CFAP61: variants seen among roughly 807,000 people sequenced by gnomAD.
CFAP61 encodes the protein cilia and flagella associated protein 61.
Under a neutral mutation model 135.6 loss-of-function variants are expected in CFAP61, and 107 were observed. That is an observed-to-expected ratio of 0.79 (90% CI 0.67 to 0.93). The LOEUF is 0.93. CFAP61 is among the 40% of genes least tolerant of loss of function. The probability of loss-of-function intolerance (pLI) is 0.00; values close to 1 mark genes in which losing one functional copy is unlikely to be tolerated. For missense variants in CFAP61, 1,507 were observed against 1,556.2 expected (o/e 0.97, Z 0.53); for synonymous variants, 575 against 578.5 (o/e 0.99, Z 0.09).
At chr20:20,097,819 T>C (rs962237999) in intron 7 of CFAP61, among the ~76,000 whole-genome samples, 1 of 152,194 alleles carries the variant, frequency 6.6e-6, no homozygotes, top group Non-Finnish European at 1.5e-5. Flanking sequence ...CTCCTCCCTA[T>C]CAGACTATCC....
chr20:20,347,509 C>T (rs1339095183), intron 26 of CFAP61, among the ~76,000 whole-genome samples: 1 of 152,042 alleles, frequency 6.6e-6, no homozygotes, highest in Non-Finnish European at 1.5e-5. Context: ...ACTCAAATTA[C>T]TAAAGTTAGA....
rs35528584 is a variant in CFAP61, at chr20:20,123,971, G to GTTT, written c.860-18866_860-18864dup. 5.2e-3 allele frequency among the ~76,000 whole-genome samples: 336 copies of GTTT among 65,236 alleles called. 19 individuals are homozygous for GTTT. The highest frequency in any genetic ancestry group is 5.9e-3 in the Non-Finnish European group (206 of 35,038). 42.8% of individuals were successfully genotyped at this position (65,236 alleles called of 152,430 possible). A position where few individuals can be genotyped will look rare whatever the true frequency, so the allele number is the denominator to read the frequency against. On this transcript the variant is annotated intron_variant, in intron 8 of 26. Transcript: ENST00000245957. ...CCTTCTTGGTTATGTATATTCCTAA[G>GTTT]TTTTTTTTTTTTTTTTTTTTTTGCA...
rs2146637283 is a variant in CFAP61 at position 20,098,822 on chromosome 20, G to A, written c.859+8G>A. On this transcript the variant is annotated splice_region_variant and intron_variant, in intron 8 of 26. Coordinates refer to ENST00000245957, the MANE Select transcript of CFAP61 (RefSeq NM_015585.4). ...GTGTCCGAAGAAGTCAAGGTACAGT[G>A]GCTATCACAGGGACACACTGGGAAA... 4 of 1,606,586 alleles carry A rather than the reference G, an allele frequency of 2.5e-6. No homozygotes were observed. In the East Asian group the frequency reaches 8.9e-5, roughly 36 times the overall value.
chr20:20,262,356 C>G (rs2052312923), intron 20 of CFAP61, among the ~76,000 whole-genome samples: 1 of 152,154 alleles, frequency 6.6e-6, no homozygotes, highest in Non-Finnish European at 1.5e-5. Context: ...CCCTTGGAAC[C>G]CAGCCACCAC....
chr20:20,121,017 A>C (rs1379349679), intron 8 of CFAP61, among the ~76,000 whole-genome samples: 1 of 151,882 alleles, frequency 6.6e-6, no homozygotes, highest in Non-Finnish European at 1.5e-5. Context: ...TGTGTGTCTT[A>C]ATAGGTGAAA....
intron 2 of CFAP61, 80 bp downstream of exon 2, chr20:20,056,876 G>A: frequency 1.5e-6 from 2 of 1,330,376 alleles, no homozygotes; most frequent in Non-Finnish European, 2.1e-6. Context: ...TCAGCACTTT[G>A]AGAGGCCAAG....
intron 25 of CFAP61, among the ~76,000 whole-genome samples, chr20:20,336,080 T>C (rs2058177641): frequency 6.6e-6 from 1 of 152,202 alleles, no homozygotes; most frequent in Non-Finnish European, 1.5e-5. Context: ...ACAGAGTCTG[T>C]GGGTTTGTGT....
chr20:20,243,806 C>T (rs2050206051), intron 18 of CFAP61, among the ~76,000 whole-genome samples: 1 of 152,140 alleles, frequency 6.6e-6, no homozygotes, highest in Admixed American at 6.5e-5. Flanking sequence ...TGAGACAGGG[C>T]AAGTCCCTTC....
intron 14 of CFAP61, among the ~76,000 whole-genome samples, chr20:20,189,036 T>G (rs2055717908): frequency 6.6e-6 from 1 of 152,206 alleles, no homozygotes; most frequent in Admixed American, 6.5e-5. Context: ...CATGAGGTAT[T>G]TCATGGCATG....
At chr20:20,333,957 G>C (rs2058087749) in intron 25 of CFAP61, among the ~76,000 whole-genome samples, 1 of 152,076 alleles carries the variant, frequency 6.6e-6, no homozygotes, top group Non-Finnish European at 1.5e-5. Context: ...AGACAGCTCT[G>C]GGTGTTCAGC....
intron 20 of CFAP61, among the ~76,000 whole-genome samples, chr20:20,261,291 A>G (rs2052176658): frequency 6.6e-6 from 1 of 152,240 alleles, no homozygotes; most frequent in African/African-American, 2.4e-5. Flanking sequence ...GCTGGAGGTT[A>G]GTCAAGCCCC....
chr20:20,120,988 C>T (rs2049570672), intron 8 of CFAP61, among the ~76,000 whole-genome samples: 1 of 151,918 alleles, frequency 6.6e-6, no homozygotes, highest in Non-Finnish European at 1.5e-5. Flanking sequence ...TATATTTTTC[C>T]ACTTCCATTT....
chr20:20,340,397 T>G (rs1408447280), intron 25 of CFAP61, among the ~76,000 whole-genome samples: 2 of 151,918 alleles, frequency 1.3e-5, no homozygotes, highest in Non-Finnish European at 2.9e-5. Flanking sequence ...CACAGAGGGC[T>G]TTTTAGGGCA....
At chr20:20,238,472 C>G (rs1219355292) in intron 18 of CFAP61, among the ~76,000 whole-genome samples, 1 of 152,168 alleles carries the variant, frequency 6.6e-6, no homozygotes, top group East Asian at 1.9e-4. Flanking sequence ...ATAATTTTTT[C>G]TCTACATTAT....
At chr20:20,328,777 A>G (rs563783766) in intron 25 of CFAP61, among the ~76,000 whole-genome samples, 1 of 152,324 alleles carries the variant, frequency 6.6e-6, no homozygotes, top group East Asian at 1.9e-4. Context: ...AAGTACATGA[A>G]AAGGTGTTAG....
chr20:20,295,895 G>T (rs1251813430), intron 24 of CFAP61, among the ~76,000 whole-genome samples: 1 of 151,402 alleles, frequency 6.6e-6, no homozygotes, highest in African/African-American at 2.4e-5. Context: ...ATGAGCAGAG[G>T]AGACCAGGCC....
rs542673737 is a variant in CFAP61 at position 20,138,392 on chromosome 20, G to A, written c.860-4465G>A. ...GGTGGCACGGCTTGCCAGAACTCAGGTTCCAACCAGCAGGATGGGTGATTC... is the reference window on the plus strand; with the variant it reads ...GGTGGCACGGCTTGCCAGAACTCAGATTCCAACCAGCAGGATGGGTGATTC... On this transcript the variant is annotated intron_variant, in intron 8 of 26. Transcript: ENST00000245957. 4.3e-4 allele frequency among the ~76,000 whole-genome samples: 66 copies of A among 152,332 alleles called. 2 individuals are homozygous for A. In the South Asian group the frequency reaches 7.1e-3, roughly 16 times the overall value.
At chr20:20,314,220 CAA>C (rs74180988) in intron 25 of CFAP61, among the ~76,000 whole-genome samples, 14 of 95,374 alleles carry the variant, frequency 1.5e-4, no homozygotes, top group South Asian at 7.6e-4. Flanking sequence ...CCCATCTCTA[CAA>C]AAAAAAAAAA....
At chr20:20,179,732 C>A (rs963804412) in intron 13 of CFAP61, among the ~76,000 whole-genome samples, 3 of 152,110 alleles carry the variant, frequency 2.0e-5, no homozygotes, top group Non-Finnish European at 4.4e-5. Flanking sequence ...AGCCTGTACA[C>A]CTACAACTAT....
Sources: allele counts gnomAD v4.1 joint callset (sites outside exome capture counted in the v4.1 genomes callset), GRCh38; gene constraint gnomAD v4.1.1; transcripts MANE v1.5; gene names NCBI Gene and HGNC (gene_info 2026-07-23, HGNC 2026-07-21).